The following PCDHGA12 variants were observed in gnomAD, a reference collection of about 807,000 sequenced individuals.
The protein encoded by PCDHGA12 is protocadherin gamma-A12.
Under a neutral mutation model 61.1 loss-of-function variants are expected in PCDHGA12, and 43 were observed. The observed-to-expected ratio is 0.70, with a 90% CI of 0.55 to 0.91. PCDHGA12 has a LOEUF of 0.91. Among genes scored for constraint, PCDHGA12 ranks in the 40% least tolerant of loss-of-function variants. The pLI, the probability that PCDHGA12 is intolerant of heterozygous loss-of-function variation, is 0.00. For missense variants in PCDHGA12, 1,236 were observed against 1,227.7 expected, an observed-to-expected ratio of 1.01 and a Z score of -0.10; for synonymous variants, 520 against 542.9, an observed-to-expected ratio of 0.96 and a Z score of 0.59.
At position 141,489,733 on chromosome 5, in the gene PCDHGA12, A is replaced by C; in HGVS notation, c.2425-5074A>C. ...TGCCCAGGATCCGGATGTGGGCACC[A>C]ATACTGTGAGCTTTTACACTCTAAG... On this transcript the variant is annotated intron_variant, in intron 1 of 3. Coordinates refer to ENST00000252085, the MANE Select transcript of PCDHGA12 (RefSeq NM_003735.3). This position sits in a 1 kb window ranked among gnomAD's most constrained non-coding sequence, Gnocchi z 4.5. 1 of 1,614,168 alleles carries C rather than the reference A, an allele frequency of 6.2e-7. No individual in the cohort carries two copies. The highest frequency in any genetic ancestry group is 1.1e-5 in the South Asian group (1 of 91,078).
chr5:141,450,702 G>T (rs1466981422), intron 1 of PCDHGA12, among the ~76,000 whole-genome samples: 6 of 152,026 alleles, frequency 3.9e-5, no homozygotes, highest in South Asian at 2.1e-4. Flanking sequence ...GCCCAGGATG[G>T]TCTCCAACTC....
intron 1 of PCDHGA12, chr5:141,478,529 A>G: frequency 6.2e-7 from 1 of 1,609,580 alleles, no homozygotes; most frequent in Non-Finnish European, 8.5e-7. Flanking sequence ...GGGTGCAGAG[A>G]GCGCCCCTCC....
At chr5:141,500,877 A>ATT (rs369345007) in intron 2 of PCDHGA12, among the ~76,000 whole-genome samples, 3 of 122,284 alleles carry the variant, frequency 2.5e-5, no homozygotes, top group Admixed American at 2.4e-4. Flanking sequence ...TTCATTTACA[A>ATT]TTTTTTTTTT....
At chr5:141,495,710 G>C (rs2099763133) in intron 2 of PCDHGA12, among the ~76,000 whole-genome samples, 1 of 152,148 alleles carries the variant, frequency 6.6e-6, no homozygotes, top group Non-Finnish European at 1.5e-5. Flanking sequence ...TGTGGAGTGA[G>C]TAACTACACG....
Position 141,490,241 on chromosome 5 carries a change from G to T in PCDHGA12, c.2425-4566G>T. 2 of 1,614,246 alleles carry T rather than the reference G, an allele frequency of 1.2e-6. No individual in the cohort carries two copies. Among genetic ancestry groups the T allele is most frequent in the Non-Finnish European group, 1.7e-6 (2 of 1,180,048 alleles). On this transcript the variant is annotated intron_variant, in intron 1 of 3. Transcript: ENST00000252085. This position sits in a 1 kb window ranked among gnomAD's most constrained non-coding sequence, Gnocchi z 5.4. Reference sequence around the variant, plus strand: ...GGACAGCCTGCCATGGAGGGCCACTGTGTGATTCAAGTGGATGTGGGGGAT... The same window carrying T: ...GGACAGCCTGCCATGGAGGGCCACTTTGTGATTCAAGTGGATGTGGGGGAT...
At position 141,453,908 on chromosome 5, in the gene PCDHGA12, A is replaced by T. The variant is rs1198219869; in HGVS notation, c.2424+20725A>T. On this transcript the variant is annotated intron_variant, in intron 1 of 3. Transcript: ENST00000252085. ...CCAATCACATGACTTCTTTCAAAGT[A>T]TGTCAGTGATCAGTCACTGTGTGCC... Among the ~76,000 whole-genome samples, 4 of 152,242 alleles carry T rather than the reference A, an allele frequency of 2.6e-5. No homozygotes were observed. The East Asian group carries it at 5.8e-4, about 22-fold the overall frequency.
At chr5:141,458,130 C>A (rs1441742986) in intron 1 of PCDHGA12, among the ~76,000 whole-genome samples, 2 of 152,248 alleles carry the variant, frequency 1.3e-5, no homozygotes, top group African/African-American at 4.8e-5. Flanking sequence ...AGGAACCAGG[C>A]AGAGAAAAAT....
Position 141,487,421 on chromosome 5 carries a change from C to T in PCDHGA12, c.2425-7386C>T. ...GGGGCTTCCCCCTTCCAATGGGATC[C>T]TCCGAATCCAGCTAGGGTCAGATGA... On this transcript the variant is annotated intron_variant, in intron 1 of 3. Coordinates refer to ENST00000252085, the MANE Select transcript of PCDHGA12 (RefSeq NM_003735.3). This position sits in a 1 kb window ranked among gnomAD's most constrained non-coding sequence, Gnocchi z 5.0. The T allele has an allele frequency of 6.2e-7, 1 of 1,614,144 alleles. No homozygotes were observed. The highest frequency in any genetic ancestry group is 1.1e-5 in the South Asian group (1 of 91,082).
At chr5:141,492,859 C>G (rs966216924) in intron 1 of PCDHGA12, among the ~76,000 whole-genome samples, 1 of 152,232 alleles carries the variant, frequency 6.6e-6, no homozygotes, top group Non-Finnish European at 1.5e-5. Context: ...CTCGAGCGCC[C>G]TGGCTCTCAA....
rs768074414 is a variant in PCDHGA12 at position 141,477,293 on chromosome 5, C to T, written c.2425-17514C>T. 8.1e-6 allele frequency: 13 copies of T among 1,614,180 alleles called. No homozygotes were observed. The highest frequency in any genetic ancestry group is 1.1e-5 in the Non-Finnish European group (13 of 1,180,036). ...CGGGCTGGTGACCTGCGAAGTTCCA[C>T]CGGGTCTCCCTTTCAGCCTTACTTC... On this transcript the variant is annotated intron_variant, in intron 1 of 3. Coordinates refer to ENST00000252085, the MANE Select transcript of PCDHGA12 (RefSeq NM_003735.3). This position sits in a 1 kb window ranked among gnomAD's most constrained non-coding sequence, Gnocchi z 4.9.
intron 1 of PCDHGA12, chr5:141,440,535 G>A (rs1305958587): frequency 1.3e-5 from 2 of 152,154 alleles, no homozygotes; most frequent in East Asian, 1.9e-4. Flanking sequence ...CATGCACCAC[G>A]GTTCAGCAGG....
At position 141,480,524 on chromosome 5, in the gene PCDHGA12, AAAG is replaced by A. The variant is rs1342230573; in HGVS notation, c.2425-14282_2425-14280del. Among the ~76,000 whole-genome samples, 4 of 127,792 alleles carry A rather than the reference AAAG, an allele frequency of 3.1e-5. No homozygotes were observed. The East Asian group carries it at 7.7e-4, about 25-fold the overall frequency. 83.8% of individuals were successfully genotyped at this position (127,792 alleles called of 152,430 possible). On this transcript the variant is annotated intron_variant, in intron 1 of 3. Transcript: ENST00000252085. Reference sequence around the variant, plus strand: ...ACATATGAGAACAACCAAAAATGACAAAGTAGAAGCACATATGAAAAGGCTAAG... The same window carrying A: ...ACATATGAGAACAACCAAAAATGACATAGAAGCACATATGAAAAGGCTAAG...
chr5:141,440,918 A>C (rs2154559108), intron 1 of PCDHGA12: 1 of 152,384 alleles, frequency 6.6e-6, no homozygotes, highest in Admixed American at 6.5e-5. Context: ...TCCTGTGCTG[A>C]GAGTGAGGGC....
chr5:141,506,760 G>A (rs1018086132), intron 3 of PCDHGA12, among the ~76,000 whole-genome samples: 1 of 152,128 alleles, frequency 6.6e-6, no homozygotes, highest in Non-Finnish European at 1.5e-5. Context: ...CTAGCTTCTG[G>A]AGCAGCAAAT....
rs772444495 is a variant in PCDHGA12 at position 141,491,766 on chromosome 5, T to C, written c.2425-3041T>C. 14 of 1,567,738 alleles carry C rather than the reference T, an allele frequency of 8.9e-6. No homozygotes were observed. The African/African-American group carries it at 1.6e-4, about 18-fold the overall frequency. ...GCACTGGAGAAGCCGCCCGTCCTCA[T>C]AAGGGATTGAACTTGCATCCACTCC... On this transcript the variant is annotated intron_variant, in intron 1 of 3. Coordinates refer to ENST00000252085, the MANE Select transcript of PCDHGA12 (RefSeq NM_003735.3). The surrounding 1 kb of genome is among the most constrained non-coding windows in gnomAD (Gnocchi z 6.9).
At chr5:141,451,503 A>G (rs1395798374) in intron 1 of PCDHGA12, among the ~76,000 whole-genome samples, 1 of 152,234 alleles carries the variant, frequency 6.6e-6, no homozygotes, top group African/African-American at 2.4e-5. Flanking sequence ...TAGGGCAACC[A>G]GCTTCTGTTA....
chr5:141,435,372 T>C (rs2097759153), intron 1 of PCDHGA12, among the ~76,000 whole-genome samples: 1 of 152,216 alleles, frequency 6.6e-6, no homozygotes, highest in African/African-American at 2.4e-5. Context: ...CACTTAAATA[T>C]ACAATATACC....
chr5:141,477,582 A>T lies in PCDHGA12; in HGVS notation c.2425-17225A>T, dbSNP rs567486170. The T allele has an allele frequency of 6.2e-7, 1 of 1,614,190 alleles. No individual in the cohort carries two copies. The highest frequency in any genetic ancestry group is 2.2e-5 in the East Asian group (1 of 44,888). ...GTCTGGGACCCCGACGCCCCGCAGA[A>T]TGCTCGGCTTTCTTTCTTTCTCTTG... On this transcript the variant is annotated intron_variant, in intron 1 of 3. Transcript: ENST00000252085. The surrounding 1 kb of genome is among the most constrained non-coding windows in gnomAD (Gnocchi z 4.9).
chr5:141,439,012 A>G (rs968054607), intron 1 of PCDHGA12, among the ~76,000 whole-genome samples: 4 of 151,916 alleles, frequency 2.6e-5, no homozygotes, highest in South Asian at 2.1e-4. Context: ...TTTGTTTGTC[A>G]AATTTTGAAA....
Sources: gnomAD v4.1 joint callset for allele counts (sites outside exome capture counted in the v4.1 genomes callset) on GRCh38, gnomAD v4.1.1 for gene constraint, Gnocchi (gnomAD v3.1) non-coding constraint, MANE v1.5 for transcripts, NCBI Gene and HGNC (gene_info 2026-07-23, HGNC 2026-07-21) for gene names.